Variants in TTK observed in about 807,000 individuals in gnomAD.
The protein encoded by TTK is dual specificity protein kinase TTK.
A neutral mutation model predicts 117.3 loss-of-function variants in TTK; 59 were observed. The ratio of observed to expected loss-of-function variants is 0.50; its 90% confidence interval spans 0.41 to 0.62. The LOEUF (loss-of-function observed/expected upper bound fraction) is 0.62, where lower values mean the gene tolerates loss of function less well. Among genes scored for constraint, TTK ranks in the 20% least tolerant of loss-of-function variants. TTK has a pLI of 0.00. For missense variants in TTK, 921 were observed against 989.4 expected (o/e 0.93, Z 0.93); for synonymous variants, 302 against 325.0 (o/e 0.93, Z 0.76).
At chr6:80,008,175 C>A in intron 3 of TTK, 144 bp downstream of exon 3, 1 of 1,057,952 alleles carries the variant, frequency 9.5e-7, no homozygotes, top group Non-Finnish European at 1.3e-6. Flanking sequence ...TAACAAGAGA[C>A]TAATGTAAAC....
At position 80,040,298 on chromosome 6, in the gene TTK, A is replaced by T; in HGVS notation, c.2392+18A>T. 1 of 1,555,808 alleles carries T rather than the reference A, an allele frequency of 6.4e-7. No homozygotes were observed. The highest frequency in any genetic ancestry group is 8.7e-7 in the Non-Finnish European group (1 of 1,152,958). On this transcript the variant is annotated intron_variant, in intron 20 of 21. Transcript: ENST00000369798. ...TCATCCAGGTACTACTTCTTTAAAA[A>T]TTTGTTTATTACTAGATTGGTAGTA...
chr6:80,035,547 G>C (rs778451476), intron 16 of TTK, 130 bp downstream of exon 16: 29 of 979,348 alleles, frequency 3.0e-5, no homozygotes, highest in Non-Finnish European at 7.1e-6. Flanking sequence ...ATAATTAGAA[G>C]TTTATTTAAA....
At chr6:80,026,235 T>C (rs1582103401) in intron 11 of TTK, 143 bp from the exon 12 acceptor site, 1 of 815,958 alleles carries the variant, frequency 1.2e-6, no homozygotes, top group Non-Finnish European at 1.8e-6. Context: ...AAGTCTAAAA[T>C]GTATATATAT....
At chr6:80,011,386 C>A in intron 5 of TTK, 48 bp from the exon 6 acceptor site, 1 of 1,292,914 alleles carries the variant, frequency 7.7e-7, no homozygotes, top group Non-Finnish European at 1.1e-6. Flanking sequence ...CTTTTTTGTA[C>A]TTGTCTTATT....
rs553694161 is a variant in TTK, at chr6:80,035,885, C to T, written c.1924+468C>T. ...GTCCTTGGTTCTTTTTAGGGTTTTT[C>T]TCTGCCTTTACCTTATCCTATATAT... is the stretch of plus-strand genomic sequence containing the variant. On this transcript the variant is annotated intron_variant, in intron 16 of 21. Transcript: ENST00000369798. 2.0e-5 allele frequency among the ~76,000 whole-genome samples: 3 copies of T among 152,040 alleles called. No homozygotes were observed. The South Asian group carries it at 6.2e-4, about 32-fold the overall frequency.
At chr6:80,033,776 T>C (rs1417168027) in intron 14 of TTK, among the ~76,000 whole-genome samples, 1 of 143,536 alleles carries the variant, frequency 7.0e-6, no homozygotes, top group Non-Finnish European at 1.6e-5. Flanking sequence ...GTGTATCAAC[T>C]CTTCAATAAA....
In TTK at chr6:80,005,884, A is replaced by T; in HGVS notation, c.41A>T (p.Asp14Val). 1 of 1,612,938 alleles carries T rather than the reference A, an allele frequency of 6.2e-7. No individual in the cohort carries two copies. Among genetic ancestry groups the T allele is most frequent in the Non-Finnish European group, 8.5e-7 (1 of 1,179,690 alleles). ...EDLSGRELTI[D>V]SIMNKVRDIK... ...TTAAGTGGCAGAGAATTGACAATTGATTCCATAATGAACAAAGTGAGAGAC... is the reference window on the plus strand; with the variant it reads ...TTAAGTGGCAGAGAATTGACAATTGTTTCCATAATGAACAAAGTGAGAGAC... The change falls in exon 2 of 22, where the codon GAT becomes GTT. Residue 14 changes from aspartate to valine, a missense_variant. Coordinates refer to ENST00000369798, the MANE Select transcript of TTK (RefSeq NM_003318.5).
intron 17 of TTK, chr6:80,037,701 A>T (rs1767941412): frequency 5.7e-6 from 1 of 174,332 alleles, no homozygotes. Flanking sequence ...CACTTTGCTG[A>T]TTATGAACCC....
Position 80,038,030 on chromosome 6 carries a change from G to A in TTK, c.2113G>A (p.Gly705Arg), listed in dbSNP as rs772831205. 3.1e-6 allele frequency: 5 copies of A among 1,608,668 alleles called. No individual in the cohort carries two copies. The East Asian group carries it at 1.1e-4, about 36-fold the overall frequency. ...AGATATGTCTTCCTCCAGAGAGAAT[G>A]GGAAATCTAAGTCAAAGGTACTGAA... ...IKDMSSSRENGKSKSKISPKS... is the reference protein window; with the variant it reads ...IKDMSSSRENRKSKSKISPKS... Residue 705 changes from glycine to arginine, a missense_variant, in exon 18 of 22, where the codon GGG (glycine) becomes AGG (arginine). Transcript: ENST00000369798.
intron 14 of TTK, among the ~76,000 whole-genome samples, chr6:80,032,037 T>G (rs1767772324): frequency 6.6e-6 from 1 of 152,246 alleles, no homozygotes; most frequent in Admixed American, 6.5e-5. Flanking sequence ...ACCTGAGTTC[T>G]AAATTTATAT....
chr6:80,012,556 T>C (rs1767189478), intron 8 of TTK, among the ~76,000 whole-genome samples: 1 of 152,024 alleles, frequency 6.6e-6, no homozygotes, highest in Non-Finnish European at 1.5e-5. Context: ...GAGAGTTATT[T>C]TGGCCTATTC....
chr6:80,012,316 C>T (rs112786415), intron 8 of TTK, among the ~76,000 whole-genome samples: 234 of 152,082 alleles, frequency 1.5e-3, no homozygotes, highest in Non-Finnish European at 2.4e-3. Flanking sequence ...GTCTCCATAA[C>T]GGGTAGAAGG....
chr6:80,024,910 TTC>T (rs1289918350), intron 11 of TTK, among the ~76,000 whole-genome samples: 3 of 152,166 alleles, frequency 2.0e-5, no homozygotes, highest in Non-Finnish European at 4.4e-5. Context: ...CTTTTGATAC[TTC>T]TGACTTACTC....
chr6:80,010,759 C>A, intron 4 of TTK, 55 bp from the exon 5 acceptor site: 1 of 883,454 alleles, frequency 1.1e-6, no homozygotes, highest in South Asian at 2.2e-5. Flanking sequence ...TCTGGGTGGT[C>A]TGGGTGGTGG....
At chr6:80,039,082 T>C (rs571319752) in intron 18 of TTK, among the ~76,000 whole-genome samples, 1 of 152,240 alleles carries the variant, frequency 6.6e-6, no homozygotes, top group South Asian at 2.1e-4. Flanking sequence ...ACTAATTATT[T>C]ACTTGAAATA....
Position 80,013,376 on chromosome 6 carries a change from T to A in TTK, c.984+10T>A, listed in dbSNP as rs1156624630. On this transcript the variant is annotated intron_variant, in intron 9 of 21. Transcript: ENST00000369798. ...ATTAAGAAATTTAAAGGTATTTTAA[T>A]TCTATATCATTATATAAAGCAAGGG... 1 of 1,579,006 alleles carries A rather than the reference T, an allele frequency of 6.3e-7. No homozygotes were observed. The highest frequency in any genetic ancestry group is 8.6e-7 in the Non-Finnish European group (1 of 1,162,482).
At chr6:80,038,594 G>T (rs187144364) in intron 18 of TTK, among the ~76,000 whole-genome samples, 1 of 152,210 alleles carries the variant, frequency 6.6e-6, no homozygotes, top group East Asian at 1.9e-4. Flanking sequence ...AAATGGGAAA[G>T]AATATATAAA....
chr6:80,011,374 C>A lies in TTK; in HGVS notation c.614-60C>A. On this transcript the variant is annotated intron_variant, in intron 5 of 21. Transcript: ENST00000369798. Reference sequence around the variant, plus strand: ...TTTAAAATATTCTTATTTGTAAGATCACTTTTTTGTACTTGTCTTATTTCT... The same window carrying A: ...TTTAAAATATTCTTATTTGTAAGATAACTTTTTTGTACTTGTCTTATTTCT... 3.5e-6 allele frequency: 4 copies of A among 1,151,132 alleles called. No individual in the cohort carries two copies. The African/African-American group carries it at 4.8e-5, about 14-fold the overall frequency. 71.3% of individuals were successfully genotyped at this position (1,151,132 alleles called of 1,614,324 possible).
intron 3 of TTK, 60 bp downstream of exon 3, chr6:80,008,091 A>C (rs1223396801): frequency 4.0e-6 from 6 of 1,518,494 alleles, no homozygotes; most frequent in Admixed American, 4.3e-5. Context: ...CTACACTGCA[A>C]AGAGAGAAAA....
Sources: allele counts gnomAD v4.1 joint callset (sites outside exome capture counted in the v4.1 genomes callset), GRCh38; gene constraint gnomAD v4.1.1; transcripts MANE v1.5; gene names NCBI Gene and HGNC (gene_info 2026-07-23, HGNC 2026-07-21).